The following PITRM1 variants were observed in gnomAD, a reference collection of about 807,000 sequenced individuals.
The protein encoded by PITRM1 is pitrilysin metallopeptidase 1.
In PITRM1, 100 loss-of-function variants were observed where a neutral mutation model predicts 129.9. The ratio of observed to expected loss-of-function variants is 0.77; its 90% CI spans 0.65 to 0.91. The LOEUF is 0.91. Ranked by LOEUF, PITRM1 falls within the 40% of genes least tolerant of loss-of-function variation. The probability of loss-of-function intolerance (pLI) is 0.00; values close to 1 mark genes in which losing one functional copy is unlikely to be tolerated. For missense variants in PITRM1, 1,471 were observed against 1,318.3 expected, an observed-to-expected ratio of 1.12 and a Z score of -1.79; for synonymous variants, 591 against 508.8, an observed-to-expected ratio of 1.16 and a Z score of -2.17.
chr10:3,153,377 A>C (rs1841684927), intron 14 of PITRM1, among the ~76,000 whole-genome samples: 1 of 152,250 alleles, frequency 6.6e-6, no homozygotes, highest in South Asian at 2.1e-4. Flanking sequence ...GGAGCTTGTC[A>C]CAAAACAGAG....
At position 3,138,342 on chromosome 10, in the gene PITRM1, A is replaced by G; in HGVS notation, c.2918-5T>C. On this transcript the variant is annotated splice_polypyrimidine_tract_variant and splice_region_variant and intron_variant, in intron 25 of 26. Transcript: ENST00000224949. Reference sequence around the variant, plus strand: ...CGTACAAGAAGTGGTCCATTCCTAGAAGACAATCCACAGGCACGATGGAGC... The same window carrying G: ...CGTACAAGAAGTGGTCCATTCCTAGGAGACAATCCACAGGCACGATGGAGC... The G allele has an allele frequency of 6.2e-7, 1 of 1,606,978 alleles. No individual in the cohort carries two copies. The highest frequency in any genetic ancestry group is 8.5e-7 in the Non-Finnish European group (1 of 1,173,742).
intron 23 of PITRM1, among the ~76,000 whole-genome samples, chr10:3,142,475 T>C (rs1030601018): frequency 6.6e-6 from 1 of 152,238 alleles, no homozygotes; most frequent in African/African-American, 2.4e-5. Context: ...GAAGTGAATT[T>C]CCGGGATATA....
At chr10:3,139,153 C>T (rs1839929062) in intron 24 of PITRM1, 104 bp from the exon 25 acceptor site, 1 of 951,342 alleles carries the variant, frequency 1.1e-6, no homozygotes, top group Non-Finnish European at 1.6e-6. Context: ...GGGTTAACAG[C>T]TCTATTTTAT....
At chr10:3,160,420 G>A (rs1289671559) in intron 7 of PITRM1, 90 bp from the exon 8 acceptor site, 5 of 1,080,736 alleles carry the variant, frequency 4.6e-6, no homozygotes, top group African/African-American at 1.6e-5. Context: ...CAGCACAGGA[G>A]TGCCCCTTAC....
intron 19 of PITRM1, 91 bp from the exon 20 acceptor site, chr10:3,147,341 T>C: frequency 1.9e-6 from 2 of 1,063,758 alleles, no homozygotes; most frequent in East Asian, 2.4e-5. Context: ...AGAACCCTGC[T>C]TGGGCAGGGG....
intron 2 of PITRM1, among the ~76,000 whole-genome samples, chr10:3,168,415 G>T (rs942483553): frequency 1.3e-5 from 2 of 151,840 alleles, no homozygotes; most frequent in Admixed American, 6.5e-5. Context: ...ATGACTTATC[G>T]TAAGTTTCTA....
chr10:3,166,503 A>G (rs1160984498), intron 3 of PITRM1, 123 bp from the exon 4 acceptor site: 1 of 528,988 alleles, frequency 1.9e-6, no homozygotes, highest in Non-Finnish European at 3.3e-6. Context: ...CCTCCAGCAC[A>G]GGGTTTTCCA....
intron 14 of PITRM1, among the ~76,000 whole-genome samples, chr10:3,154,463 T>C (rs1841798701): frequency 6.6e-6 from 1 of 152,140 alleles, no homozygotes. Context: ...TGGCATTTGG[T>C]GCTGGCAGTA....
In PITRM1 at chr10:3,168,861, A is replaced by C. The variant is rs562333899; in HGVS notation, c.159+1243T>G. On this transcript the variant is annotated intron_variant, in intron 2 of 26. Coordinates refer to ENST00000224949, the MANE Select transcript of PITRM1 (RefSeq NM_014889.4). The stretch of plus-strand genomic sequence containing the variant: ...GAGACTAGACTAATACACAAGCAAA[A>C]GGATTGCTTGAACCCAGGAGTTTGA... Among the ~76,000 whole-genome samples, 15 of 124,592 alleles carry C rather than the reference A, an allele frequency of 1.2e-4. No homozygotes were observed. In the South Asian group the frequency reaches 4.0e-3, roughly 33 times the overall value. 81.7% of individuals were successfully genotyped at this position (124,592 alleles called of 152,430 possible). A position where few individuals can be genotyped will look rare whatever the true frequency, so the allele number is the denominator to read the frequency against.
At chr10:3,172,585 T>A (rs2132543310) in intron 1 of PITRM1, 132 bp downstream of exon 1, 3 of 794,608 alleles carry the variant, frequency 3.8e-6, no homozygotes, top group East Asian at 6.0e-5. Flanking sequence ...GGGCTCGGGG[T>A]GCGGGACGCC....
intron 21 of PITRM1, 100 bp from the exon 22 acceptor site, chr10:3,144,466 G>C: frequency 4.3e-6 from 3 of 693,646 alleles, no homozygotes. Context: ...CTAATAACAA[G>C]TGTTAGGGCA....
chr10:3,151,221 G>T, intron 15 of PITRM1, 26 bp downstream of exon 15: 1 of 1,293,146 alleles, frequency 7.7e-7, no homozygotes, highest in South Asian at 1.2e-5. Context: ...CCCGAGACCC[G>T]GGAAAAGCGT....
chr10:3,156,666 A>C (rs185742918), intron 13 of PITRM1, among the ~76,000 whole-genome samples: 20 of 151,988 alleles, frequency 1.3e-4, no homozygotes, highest in Non-Finnish European at 1.3e-4. Flanking sequence ...TAAAAGAACA[A>C]TATATGCAGA....
intron 22 of PITRM1, 34 bp downstream of exon 22, chr10:3,144,258 C>A (rs776317389): frequency 7.6e-7 from 1 of 1,321,280 alleles, no homozygotes; most frequent in South Asian, 1.3e-5. Context: ...GAAGCACCCA[C>A]CCGCTGGCAA....
intron 24 of PITRM1, 59 bp from the exon 25 acceptor site, chr10:3,139,108 A>G: frequency 6.8e-7 from 1 of 1,477,108 alleles, no homozygotes; most frequent in East Asian, 2.3e-5. Context: ...GTTTATGACA[A>G]ACCTCTGTCG....
intron 2 of PITRM1, among the ~76,000 whole-genome samples, chr10:3,169,401 C>T (rs1039172130): frequency 6.6e-6 from 1 of 152,224 alleles, no homozygotes; most frequent in Non-Finnish European, 1.5e-5. Flanking sequence ...CACTCCTCCT[C>T]CTGCCCTTGT....
intron 22 of PITRM1, 126 bp downstream of exon 22, chr10:3,144,166 C>A: frequency 1.6e-6 from 1 of 635,950 alleles, no homozygotes. Context: ...GCACTGAACT[C>A]GCAACTCTAG....
At position 3,166,395 on chromosome 10, in the gene PITRM1, T is replaced by TGGCACGCTAGGGAAGGCGAAA. The variant is rs748601397; in HGVS notation, c.267-16_267-15insTTTCGCCTTCCCTAGCGTGCC. 2 of 189,182 alleles carry TGGCACGCTAGGGAAGGCGAAA rather than the reference T, an allele frequency of 1.1e-5. No homozygotes were observed. The highest frequency in any genetic ancestry group is 2.3e-4 in the East Asian group (2 of 8,758). 11.7% of individuals were successfully genotyped at this position (189,182 alleles called of 1,614,324 possible). On this transcript the variant is annotated splice_polypyrimidine_tract_variant and intron_variant, in intron 3 of 26. Coordinates refer to ENST00000224949, the MANE Select transcript of PITRM1 (RefSeq NM_014889.4). ...GGAACTGCACGCTAGGGAAGGAGAA[T>TGGCACGCTAGGGAAGGCGAAA]GACCAGAACGCAAAAGGTTCAGCTT...
rs775980079 is a variant in PITRM1, at chr10:3,160,197, C to T, written c.918+7G>A. The T allele has an allele frequency of 1.1e-5, 17 of 1,613,458 alleles. No individual in the cohort carries two copies. Among genetic ancestry groups the T allele is most frequent in the African/African-American group, 1.3e-5 (1 of 74,934 alleles). On this transcript the variant is annotated splice_region_variant and intron_variant, in intron 8 of 26. Transcript: ENST00000224949. ...CAGGAAGGACACAAACACGGTGGGGCACTCACAGGCTTGTCCCAGGGTGTC... is the reference window on the plus strand; with the variant it reads ...CAGGAAGGACACAAACACGGTGGGGTACTCACAGGCTTGTCCCAGGGTGTC...
Sources: allele counts gnomAD v4.1 joint callset (sites outside exome capture counted in the v4.1 genomes callset), GRCh38; gene constraint gnomAD v4.1.1; transcripts MANE v1.5; gene names NCBI Gene and HGNC (gene_info 2026-07-23, HGNC 2026-07-21).